Variants in HAO1 observed in about 807,000 individuals in gnomAD.
HAO1 encodes the protein 2-Hydroxyacid oxidase 1.
HAO1 carries 34 observed loss-of-function variants against 39.7 expected under a neutral mutation model. The ratio of observed to expected loss-of-function variants is 0.86; its 90% CI spans 0.65 to 1.14. The LOEUF is 1.14. Ranked by LOEUF, HAO1 falls within the 50% of genes most tolerant of loss-of-function variation. The pLI, the probability that HAO1 is intolerant of heterozygous loss-of-function variation, is 0.00. For synonymous variants in HAO1, 172 were observed against 173.2 expected (o/e 0.99, Z 0.05); for missense variants, 479 against 464.5 (o/e 1.03, Z -0.29).
At chr20:7,914,733 C>T (rs561434260) in intron 2 of HAO1, among the ~76,000 whole-genome samples, 31 of 152,134 alleles carry the variant, frequency 2.0e-4, no homozygotes, top group South Asian at 4.1e-4. Context: ...TCTGTAAATA[C>T]GGGCAAAAAA....
At chr20:7,891,933 C>A (rs950760729) in intron 5 of HAO1, among the ~76,000 whole-genome samples, 1 of 152,152 alleles carries the variant, frequency 6.6e-6, no homozygotes, top group African/African-American at 2.4e-5. Flanking sequence ...CTGTGACCAA[C>A]CTCTCCACCC....
At chr20:7,913,655 G>T (rs2050291422) in intron 3 of HAO1, among the ~76,000 whole-genome samples, 1 of 152,204 alleles carries the variant, frequency 6.6e-6, no homozygotes, top group Non-Finnish European at 1.5e-5. Context: ...TGATTTGAGT[G>T]AATGAATCAA....
chr20:7,888,791 A>T (rs2050161578), intron 5 of HAO1, among the ~76,000 whole-genome samples: 1 of 152,202 alleles, frequency 6.6e-6, no homozygotes, highest in African/African-American at 2.4e-5. Context: ...AATTGAACTT[A>T]TGATTTGCTT....
chr20:7,908,139 C>A (rs921602332), intron 3 of HAO1, among the ~76,000 whole-genome samples: 1 of 152,184 alleles, frequency 6.6e-6, no homozygotes, highest in East Asian at 1.9e-4. Context: ...CCTGTAATCC[C>A]AGCACTTTGG....
intron 3 of HAO1, among the ~76,000 whole-genome samples, chr20:7,911,175 T>C (rs1439309751): frequency 6.6e-6 from 1 of 152,158 alleles, no homozygotes; most frequent in Non-Finnish European, 1.5e-5. Context: ...TGGAGACCTA[T>C]TCACATTGAG....
intron 5 of HAO1, among the ~76,000 whole-genome samples, chr20:7,894,607 C>T: frequency 6.6e-6 from 1 of 152,222 alleles, no homozygotes; most frequent in Non-Finnish European, 1.5e-5. Context: ...CTTCCCGTTG[C>T]CCGGACCTAA....
At position 7,920,766 on chromosome 20, in the gene HAO1, T is replaced by C. The variant is rs569100489; in HGVS notation, c.290-6347A>G. Among the ~76,000 whole-genome samples the C allele has an allele frequency of 2.6e-5, 4 of 152,306 alleles. No individual in the cohort carries two copies. In the East Asian group the frequency reaches 5.8e-4, roughly 22 times the overall value. ...GTACATACACCTCATTCTTTATCCA[T>C]TCATCTGTCAATGGATACTTAGGTT... On this transcript the variant is annotated intron_variant, in intron 2 of 7. Transcript: ENST00000378789.
chr20:7,937,280 T>C (rs1293746197), intron 1 of HAO1, among the ~76,000 whole-genome samples: 2 of 152,162 alleles, frequency 1.3e-5, no homozygotes, highest in Admixed American at 1.3e-4. Flanking sequence ...TCACACTAAC[T>C]GGACATAGTG....
At chr20:7,936,503 C>CGTGTGTGTGTGTGTGT (rs71183082) in intron 1 of HAO1, among the ~76,000 whole-genome samples, 5,279 of 108,908 alleles carry the variant, frequency 0.048, 264 homozygotes, top group East Asian at 0.075. Context: ...GGGCAGCAGC[C>CGTGTGTGTGTGTGTGT]GTGTGTGTGT....
chr20:7,933,402 T>A (rs2050394927), intron 2 of HAO1, among the ~76,000 whole-genome samples: 1 of 152,212 alleles, frequency 6.6e-6, no homozygotes, highest in Non-Finnish European at 1.5e-5. Context: ...GCCTTTATTA[T>A]CTTGATTTTG....
rs375022670 is a variant in HAO1, at chr20:7,921,635, C to T, written c.290-7216G>A. The stretch of plus-strand genomic sequence containing the variant: ...TCCCAAAGGACAATAAGTCATTCTA[C>T]CAAAGAGACACGTGCACCTGCATGT... On this transcript the variant is annotated intron_variant, in intron 2 of 7. Transcript: ENST00000378789. Among the ~76,000 whole-genome samples the T allele has an allele frequency of 3.5e-4, 53 of 152,190 alleles. 3 individuals are homozygous for T. The East Asian group carries it at 6.6e-3, about 19-fold the overall frequency.
At position 7,906,166 on chromosome 20, in the gene HAO1, C is replaced by T; in HGVS notation, c.709G>A (p.Gly237Ser). ...RLTSLPIVAK[G>S]ILRGDDAREA... Reference sequence around the variant, plus strand: ...GAAATAAACGAACCTCTCAAAATGCCCTTTGCAACAATTGGCAATGATGTC... The same window carrying T: ...GAAATAAACGAACCTCTCAAAATGCTCTTTGCAACAATTGGCAATGATGTC... Residue 237 changes from glycine to serine, a missense_variant, in exon 4 of 8, where the codon GGC (glycine) becomes AGC (serine). Coordinates refer to ENST00000378789, the MANE Select transcript of HAO1 (RefSeq NM_017545.3). 1.2e-6 allele frequency: 2 copies of T among 1,611,640 alleles called. No homozygotes were observed. Among genetic ancestry groups the T allele is most frequent in the Non-Finnish European group, 1.7e-6 (2 of 1,177,892 alleles).
chr20:7,900,722 A>G (rs1186237470), intron 4 of HAO1, among the ~76,000 whole-genome samples: 1 of 152,042 alleles, frequency 6.6e-6, no homozygotes, highest in East Asian at 1.9e-4. Flanking sequence ...AATCAGACCA[A>G]CTAATAACTC....
At chr20:7,883,732 C>A in intron 7 of HAO1, 69 bp from the exon 8 acceptor site, 1 of 1,235,460 alleles carries the variant, frequency 8.1e-7, no homozygotes, top group Non-Finnish European at 1.2e-6. Flanking sequence ...ATCGTTTTCC[C>A]AAGGAATGTA....
chr20:7,931,134 G>T (rs1164501020), intron 2 of HAO1, among the ~76,000 whole-genome samples: 1 of 152,144 alleles, frequency 6.6e-6, no homozygotes, highest in Non-Finnish European at 1.5e-5. Flanking sequence ...TTGCTGCCCT[G>T]ATAGGAACCC....
At chr20:7,902,368 T>G (rs1472384107) in intron 4 of HAO1, among the ~76,000 whole-genome samples, 2 of 152,160 alleles carry the variant, frequency 1.3e-5, no homozygotes, top group Admixed American at 1.3e-4. Flanking sequence ...TCAGCAACCA[T>G]CAACACCTAG....
chr20:7,894,402 A>C (rs2050187637), intron 5 of HAO1, among the ~76,000 whole-genome samples: 1 of 152,164 alleles, frequency 6.6e-6, no homozygotes, highest in Admixed American at 6.5e-5. Flanking sequence ...CCAGTGCATA[A>C]AAACCAAAGA....
intron 2 of HAO1, among the ~76,000 whole-genome samples, chr20:7,928,881 A>C (rs1164939986): frequency 1.3e-5 from 2 of 152,160 alleles, no homozygotes; most frequent in African/African-American, 2.4e-5. Flanking sequence ...CCCACATTTA[A>C]AAACCAGGAG....
At chr20:7,885,488 GA>G (rs1302025873) in intron 7 of HAO1, 32 bp downstream of exon 7, 6 of 1,425,544 alleles carry the variant, frequency 4.2e-6, no homozygotes, top group Non-Finnish European at 5.9e-6. Flanking sequence ...GATCATAAAA[GA>G]AAAGAAAGTT....
Sources: gnomAD v4.1 joint callset for allele counts (sites outside exome capture counted in the v4.1 genomes callset) on GRCh38, gnomAD v4.1.1 for gene constraint, MANE v1.5 for transcripts, NCBI Gene and HGNC (gene_info 2026-07-23, HGNC 2026-07-21) for gene names.